LRRC4B: variants seen among roughly 807,000 people sequenced by gnomAD.
The protein encoded by LRRC4B is leucine rich repeat containing 4B.
A neutral mutation model predicts 7.3 loss-of-function variants in LRRC4B; 1 was observed. The observed-to-expected ratio is 0.14, with a 90% CI of 0.05 to 0.65. The LOEUF is 0.65. LRRC4B is among the 30% of genes least tolerant of loss of function. LRRC4B has a pLI of 0.84. For synonymous variants in LRRC4B, 500 were observed against 499.2 expected (o/e 1.00, Z -0.02); for missense variants, 730 against 1,041.6 (o/e 0.70, Z 4.12).
rs1325843015 is a variant in LRRC4B, at chr19:50,563,770, A to G, written c.-36+4174T>C. 5.3e-5 allele frequency among the ~76,000 whole-genome samples: 8 copies of G among 152,156 alleles called. No individual in the cohort carries two copies. Among genetic ancestry groups the G allele is most frequent in the Non-Finnish European group, 4.4e-5 (3 of 68,018 alleles). ...GCCTTCACGCAACGCTGACTTTCCAACACTGTGAGGGGCTGGCAGTTTCAC... is the reference window on the plus strand; with the variant it reads ...GCCTTCACGCAACGCTGACTTTCCAGCACTGTGAGGGGCTGGCAGTTTCAC... On this transcript the variant is annotated intron_variant, in intron 1 of 2. Transcript: ENST00000652263. The surrounding 1 kb of genome is among the most constrained non-coding windows in gnomAD (Gnocchi z 4.9).
intron 1 of LRRC4B, among the ~76,000 whole-genome samples, chr19:50,567,087 G>C (rs1302678185): frequency 6.6e-6 from 1 of 150,390 alleles, no homozygotes; most frequent in Admixed American, 6.6e-5. Flanking sequence ...GGTCCTAGAA[G>C]AGCAGGTGTG....
At chr19:50,525,946 A>G (rs1022890264) in intron 2 of LRRC4B, among the ~76,000 whole-genome samples, 1 of 152,162 alleles carries the variant, frequency 6.6e-6, no homozygotes, top group Non-Finnish European at 1.5e-5. Flanking sequence ...GTTTGAACCC[A>G]GGAGGCGAGG....
intron 2 of LRRC4B, among the ~76,000 whole-genome samples, chr19:50,543,597 A>G (rs1366208418): frequency 2.0e-5 from 3 of 151,950 alleles, no homozygotes; most frequent in Non-Finnish European, 4.4e-5. Flanking sequence ...CACACCTGTA[A>G]TCTCAGCACT....
chr19:50,540,868 C>T (rs1274468307), intron 2 of LRRC4B, among the ~76,000 whole-genome samples: 27 of 151,452 alleles, frequency 1.8e-4, no homozygotes, highest in Non-Finnish European at 4.0e-4. Context: ...TTATACATTA[C>T]GATGTAATAA....
At chr19:50,551,804 G>A (rs896065875) in intron 1 of LRRC4B, among the ~76,000 whole-genome samples, 3 of 151,066 alleles carry the variant, frequency 2.0e-5, no homozygotes, top group Non-Finnish European at 2.9e-5. Context: ...CTTTCTCCGC[G>A]ATTACAATTT....
chr19:50,550,144 A>G (rs374039794), intron 1 of LRRC4B, among the ~76,000 whole-genome samples: 1 of 152,162 alleles, frequency 6.6e-6, no homozygotes, highest in Admixed American at 6.5e-5. Flanking sequence ...GAAAGCTATT[A>G]GGATGCCCAA....
At chr19:50,523,194 G>A (rs1313725877) in intron 2 of LRRC4B, among the ~76,000 whole-genome samples, 2 of 152,222 alleles carry the variant, frequency 1.3e-5, no homozygotes, top group African/African-American at 4.8e-5. Context: ...CTGAGGCCCA[G>A]AAGGCCACAC....
chr19:50,529,232 C>T (rs375624977), intron 2 of LRRC4B, among the ~76,000 whole-genome samples: 6 of 152,102 alleles, frequency 3.9e-5, no homozygotes, highest in African/African-American at 1.2e-4. Flanking sequence ...ACTCCCTCCC[C>T]GAGACTCCAG....
At chr19:50,527,901 C>A (rs150525017) in intron 2 of LRRC4B, among the ~76,000 whole-genome samples, 7,109 of 151,902 alleles carry the variant, frequency 0.047, 543 homozygotes, top group African/African-American at 0.16. Context: ...ACCACCACAC[C>A]CGGCTAATTT....
intron 1 of LRRC4B, among the ~76,000 whole-genome samples, chr19:50,551,843 T>G (rs1982080226): frequency 6.6e-6 from 1 of 151,676 alleles, no homozygotes; most frequent in African/African-American, 2.4e-5. Context: ...AGAGCCAAGC[T>G]GTGCCTCAGC....
intron 2 of LRRC4B, among the ~76,000 whole-genome samples, chr19:50,522,061 C>G (rs968602997): frequency 6.6e-6 from 1 of 152,024 alleles, no homozygotes; most frequent in Non-Finnish European, 1.5e-5. Flanking sequence ...ACCTGTGGTC[C>G]CAGCTACTCA....
intron 1 of LRRC4B, among the ~76,000 whole-genome samples, chr19:50,554,871 C>T (rs952183408): frequency 1.3e-5 from 2 of 152,192 alleles, no homozygotes; most frequent in African/African-American, 4.8e-5. Context: ...TCAGCCTTGC[C>T]AGAGTCCAGG....
intron 1 of LRRC4B, among the ~76,000 whole-genome samples, chr19:50,549,735 C>T (rs1427190352): frequency 6.6e-6 from 1 of 152,184 alleles, no homozygotes; most frequent in South Asian, 2.1e-4. Context: ...TGACGGGGGG[C>T]GGCACAGGCC....
intron 1 of LRRC4B, among the ~76,000 whole-genome samples, chr19:50,567,492 C>A (rs1185942729): frequency 2.0e-5 from 3 of 151,914 alleles, no homozygotes; most frequent in Non-Finnish European, 4.4e-5. Flanking sequence ...TCTCCCCCCT[C>A]CCCATCACTG....
chr19:50,530,932 G>T (rs112750218), intron 2 of LRRC4B, among the ~76,000 whole-genome samples: 42 of 149,174 alleles, frequency 2.8e-4, no homozygotes, highest in East Asian at 3.9e-4. Context: ...GAAACCTGGG[G>T]GGGGGGGGTC....
chr19:50,556,502 A>G lies in LRRC4B; in HGVS notation c.-35-7629T>C, dbSNP rs1310142437. On this transcript the variant is annotated intron_variant, in intron 1 of 2. Coordinates refer to ENST00000652263, the MANE Select transcript of LRRC4B (RefSeq NM_001080457.2). The surrounding 1 kb of genome is among the most constrained non-coding windows in gnomAD (Gnocchi z 4.2). ...AGGGGGGGCTCTGCGTTCCCACGAC[A>G]CCTCCAGGAGGTCTTCTTTGAGCTC... Among the ~76,000 whole-genome samples the G allele has an allele frequency of 1.3e-5, 2 of 151,558 alleles. No homozygotes were observed. Among genetic ancestry groups the G allele is most frequent in the Non-Finnish European group, 2.9e-5 (2 of 67,890 alleles).
Position 50,568,278 on chromosome 19 carries a change from GCCTTCCTT to G in LRRC4B, c.-378_-371del, listed in dbSNP as rs920367609. ...TTCTTTCCTGGCTTCCTTCCTTCCA[GCCTTCCTT>G]CCTTCCTTCCTCCCTCCTCGGGCCC... On this transcript the variant is annotated 5_prime_UTR_variant, in exon 1 of 3. Coordinates refer to ENST00000652263, the MANE Select transcript of LRRC4B (RefSeq NM_001080457.2). 1.3e-5 allele frequency among the ~76,000 whole-genome samples: 2 copies of G among 151,032 alleles called. No homozygotes were observed. The highest frequency in any genetic ancestry group is 3.0e-5 in the Non-Finnish European group (2 of 67,702).
chr19:50,527,649 T>C (rs947512556), intron 2 of LRRC4B, among the ~76,000 whole-genome samples: 15 of 152,136 alleles, frequency 9.9e-5, no homozygotes, highest in African/African-American at 3.1e-4. Context: ...CGTATGGACA[T>C]TGATCTGTAA....
At chr19:50,542,148 A>G (rs1981576604) in intron 2 of LRRC4B, among the ~76,000 whole-genome samples, 1 of 152,180 alleles carries the variant, frequency 6.6e-6, no homozygotes, top group South Asian at 2.1e-4. Flanking sequence ...TTCTGTGGGG[A>G]GAGGGTAAGG....
Sources: allele counts gnomAD v4.1 joint callset (sites outside exome capture counted in the v4.1 genomes callset), GRCh38; gene constraint gnomAD v4.1.1; non-coding constraint Gnocchi (gnomAD v3.1); transcripts MANE v1.5; gene names NCBI Gene and HGNC (gene_info 2026-07-23, HGNC 2026-07-21).